The following KAZN variants were observed in gnomAD, a reference collection of about 807,000 sequenced individuals.
KAZN encodes the protein kazrin.
Under a neutral mutation model 87.4 loss-of-function variants are expected in KAZN, and 40 were observed. The observed-to-expected ratio is 0.46, with a 90% CI of 0.36 to 0.60. The LOEUF is 0.60. KAZN is among the 20% of genes least tolerant of loss of function. The pLI is 0.00. For synonymous variants in KAZN, 466 were observed against 458.3 expected (o/e 1.02, Z -0.22); for missense variants, 898 against 1,073.9 (o/e 0.84, Z 2.29).
chr1:15,102,797 C>A (rs1289700535), intron 11 of KAZN, among the ~76,000 whole-genome samples: 2 of 152,202 alleles, frequency 1.3e-5, no homozygotes, highest in Non-Finnish European at 2.9e-5. Context: ...CCAAGACGTG[C>A]CACTGTGTGG....
At chr1:14,623,906 T>C (rs1678907591) in intron 1 of KAZN, among the ~76,000 whole-genome samples, 1 of 152,228 alleles carries the variant, frequency 6.6e-6, no homozygotes, top group Non-Finnish European at 1.5e-5. Flanking sequence ...ATATATTTTG[T>C]GTAACTTAAG....
At chr1:14,474,785 G>A (rs1322574698) in intron 2 of KAZN, among the ~76,000 whole-genome samples, 1 of 152,180 alleles carries the variant, frequency 6.6e-6, no homozygotes, top group Non-Finnish European at 1.5e-5. Flanking sequence ...TGGGATGGTG[G>A]GTTCGTCTAG....
chr1:14,876,882 G>A (rs1419193366), intron 1 of KAZN, among the ~76,000 whole-genome samples: 1 of 152,174 alleles, frequency 6.6e-6, no homozygotes, highest in Non-Finnish European at 1.5e-5. Flanking sequence ...ACTTTGACAT[G>A]AACTAAAGAA....
At chr1:14,018,805 T>G (rs570817982) in intron 1 of KAZN, among the ~76,000 whole-genome samples, 23 of 152,202 alleles carry the variant, frequency 1.5e-4, no homozygotes, top group Non-Finnish European at 3.1e-4. Flanking sequence ...ATGGTCCCCC[T>G]GAGTTCTCAG....
At chr1:14,123,808 C>T (rs1480909445) in intron 1 of KAZN, among the ~76,000 whole-genome samples, 1 of 152,058 alleles carries the variant, frequency 6.6e-6, no homozygotes, top group East Asian at 1.9e-4. Context: ...ATGGGTCAAA[C>T]ACACACCCCT....
chr1:13,937,544 T>C (rs753589578), intron 1 of KAZN, among the ~76,000 whole-genome samples: 1 of 152,210 alleles, frequency 6.6e-6, no homozygotes, highest in Non-Finnish European at 1.5e-5. Flanking sequence ...TCTCATTTGT[T>C]TATTTTTGTT....
intron 1 of KAZN, among the ~76,000 whole-genome samples, chr1:14,910,266 C>T (rs929606833): frequency 2.6e-5 from 4 of 152,070 alleles, no homozygotes; most frequent in African/African-American, 7.3e-5. Context: ...TGCGAGTGAG[C>T]GCTCCATATC....
chr1:14,204,361 C>T (rs893367163), intron 2 of KAZN, among the ~76,000 whole-genome samples: 2 of 152,180 alleles, frequency 1.3e-5, no homozygotes, highest in African/African-American at 4.8e-5. Context: ...AAAAAGAAAT[C>T]ATGGAGCACA....
chr1:13,973,875 C>T (rs1232770359), intron 1 of KAZN, among the ~76,000 whole-genome samples: 18 of 152,224 alleles, frequency 1.2e-4, no homozygotes, highest in Admixed American at 8.5e-4. Flanking sequence ...ATTAAGTAGA[C>T]CCCTGCATCG....
chr1:14,224,378 T>C (rs1355859447), intron 2 of KAZN, among the ~76,000 whole-genome samples: 2 of 152,150 alleles, frequency 1.3e-5, no homozygotes, highest in African/African-American at 4.8e-5. Context: ...AAGCTGACAA[T>C]GAAGAGTAGA....
At chr1:14,052,134 G>A (rs1642366349) in intron 1 of KAZN, among the ~76,000 whole-genome samples, 1 of 152,144 alleles carries the variant, frequency 6.6e-6, no homozygotes, top group Non-Finnish European at 1.5e-5. Context: ...CACCATCACT[G>A]GCACCCGGCT....
intron 2 of KAZN, among the ~76,000 whole-genome samples, chr1:14,318,194 T>A (rs1018330576): frequency 6.6e-6 from 1 of 152,124 alleles, no homozygotes; most frequent in African/African-American, 2.4e-5. Flanking sequence ...TTCATTGATA[T>A]AGATTCTTAC....
intron 2 of KAZN, among the ~76,000 whole-genome samples, chr1:14,510,995 A>T (rs138949031): frequency 6.6e-6 from 1 of 151,904 alleles, no homozygotes; most frequent in Non-Finnish European, 1.5e-5. Context: ...CTCAAGATAC[A>T]TGATTAATCT....
intron 2 of KAZN, among the ~76,000 whole-genome samples, chr1:14,464,181 T>C (rs1178108970): frequency 1.3e-5 from 2 of 152,224 alleles, no homozygotes; most frequent in Non-Finnish European, 2.9e-5. Flanking sequence ...TTGTCATGTA[T>C]AATTGAGAGA....
chr1:14,052,120 C>T (rs1469237377), intron 1 of KAZN, among the ~76,000 whole-genome samples: 3 of 152,166 alleles, frequency 2.0e-5, no homozygotes, highest in African/African-American at 7.2e-5. Context: ...CAGGCTCTTC[C>T]TGACACCATC....
intron 1 of KAZN, among the ~76,000 whole-genome samples, chr1:14,068,288 G>T (rs1234358430): frequency 6.6e-6 from 1 of 152,216 alleles, no homozygotes; most frequent in Non-Finnish European, 1.5e-5. Context: ...TGTTTTGGAA[G>T]AAGCAACCTC....
intron 1 of KAZN, among the ~76,000 whole-genome samples, chr1:13,934,323 G>C (rs1467440707): frequency 1.3e-5 from 2 of 152,152 alleles, no homozygotes; most frequent in African/African-American, 4.8e-5. Flanking sequence ...ACCATCTTGA[G>C]ATGGCACTCC....
rs563161732 is a variant in KAZN at position 14,433,582 on chromosome 1, G to A, written c.250-165401G>A. Among the ~76,000 whole-genome samples the A allele has an allele frequency of 1.5e-4, 23 of 152,306 alleles. No homozygotes were observed. The East Asian group carries it at 3.3e-3, about 22-fold the overall frequency. ...CTTCTAAAAAGAGACAGCAGGCTGGGCACAGTGGCTCAAGCCTGTAATCCC... is the reference window on the plus strand; with the variant it reads ...CTTCTAAAAAGAGACAGCAGGCTGGACACAGTGGCTCAAGCCTGTAATCCC... On this transcript the variant is annotated intron_variant, in intron 2 of 16. Coordinates refer to the KAZN transcript ENST00000636203.
At chr1:14,632,836 C>T (rs1679670918) in intron 1 of KAZN, among the ~76,000 whole-genome samples, 1 of 152,048 alleles carries the variant, frequency 6.6e-6, no homozygotes, top group East Asian at 1.9e-4. Flanking sequence ...CGTGGCGTGA[C>T]CTGAATACAT....
Sources: allele counts gnomAD v4.1 joint callset (sites outside exome capture counted in the v4.1 genomes callset), GRCh38; gene constraint gnomAD v4.1.1; transcripts MANE v1.5; gene names NCBI Gene and HGNC (gene_info 2026-07-23, HGNC 2026-07-21).